The following SPAST variants were observed in gnomAD, a reference collection of about 807,000 sequenced individuals.
The protein encoded by SPAST is spastic paraplegia 4 (autosomal dominant; spastin).
SPAST carries 30 observed loss-of-function variants against 76.6 expected under a neutral mutation model. The observed-to-expected ratio is 0.39, with a 90% confidence interval of 0.29 to 0.53. SPAST has a LOEUF of 0.53. SPAST is among the 20% of genes least tolerant of loss of function. The probability of loss-of-function intolerance (pLI) is 0.68; values close to 1 mark genes in which losing one functional copy is unlikely to be tolerated. For missense variants in SPAST, 717 were observed against 770.5 expected (o/e 0.93, Z 0.82); for synonymous variants, 305 against 281.0 (o/e 1.09, Z -0.86).
At chr2:32,072,203 C>T (rs963502031) in intron 1 of SPAST, among the ~76,000 whole-genome samples, 1 of 123,144 alleles carries the variant, frequency 8.1e-6, no homozygotes, top group Non-Finnish European at 1.8e-5. Flanking sequence ...CCACCATGCC[C>T]AGCTATTTTT....
At chr2:32,067,591 TA>T (rs1254109181) in intron 1 of SPAST, among the ~76,000 whole-genome samples, 2 of 152,032 alleles carry the variant, frequency 1.3e-5, no homozygotes, top group Non-Finnish European at 2.9e-5. Flanking sequence ...CTATTATACT[TA>T]AATCCTCCTA....
rs1426409322 is a variant in SPAST at position 32,063,630 on chromosome 2, A to T, written c.-202A>T. On this transcript the variant is annotated 5_prime_UTR_variant, in exon 1 of 17. Coordinates refer to ENST00000315285, the MANE Select transcript of SPAST (RefSeq NM_014946.4). ...GGGAGGGGCCCGAGCCACCGACTGCAGGAGGAGAAGGGGTTGTGCTCCTGG... is the reference window on the plus strand; with the variant it reads ...GGGAGGGGCCCGAGCCACCGACTGCTGGAGGAGAAGGGGTTGTGCTCCTGG... 8.1e-6 allele frequency: 5 copies of T among 618,706 alleles called. No individual in the cohort carries two copies. The East Asian group carries it at 1.3e-4, about 16-fold the overall frequency. 38.3% of individuals were successfully genotyped at this position (618,706 alleles called of 1,614,324 possible).
intron 7 of SPAST, among the ~76,000 whole-genome samples, chr2:32,122,778 T>A (rs1048278162): frequency 1.6e-4 from 23 of 147,300 alleles, no homozygotes; most frequent in South Asian, 4.3e-4. Flanking sequence ...CATCTATATT[T>A]AAAAAAAAAA....
chr2:32,099,402 T>G (rs1211853428), intron 4 of SPAST, among the ~76,000 whole-genome samples: 1 of 152,232 alleles, frequency 6.6e-6, no homozygotes, highest in Non-Finnish European at 1.5e-5. Flanking sequence ...ATTAACTCTA[T>G]CCTTCATAAA....
intron 4 of SPAST, among the ~76,000 whole-genome samples, chr2:32,107,473 A>ACCTTAAGT (rs1170483601): frequency 6.6e-6 from 1 of 152,070 alleles, no homozygotes; most frequent in African/African-American, 2.4e-5. Flanking sequence ...AGCTAGTCTG[A>ACCTTAAGT]GACTCCTGAC....
chr2:32,101,254 G>A (rs1411592743), intron 4 of SPAST, among the ~76,000 whole-genome samples: 1 of 152,176 alleles, frequency 6.6e-6, no homozygotes, highest in East Asian at 1.9e-4. Context: ...CTGCATAAAT[G>A]TCTTCTTTTG....
At chr2:32,135,237 C>G (rs1187738339) in intron 9 of SPAST, among the ~76,000 whole-genome samples, 1 of 151,638 alleles carries the variant, frequency 6.6e-6, no homozygotes, top group Non-Finnish European at 1.5e-5. Context: ...TCACGCCATT[C>G]TCCTGCCTCA....
intron 7 of SPAST, among the ~76,000 whole-genome samples, chr2:32,122,710 C>G (rs1679059814): frequency 6.6e-6 from 1 of 151,418 alleles, no homozygotes; most frequent in African/African-American, 2.4e-5. Context: ...GAGGCCAAGG[C>G]AGGAAGATTG....
At chr2:32,110,365 G>A (rs1475533694) in intron 4 of SPAST, among the ~76,000 whole-genome samples, 16 of 149,192 alleles carry the variant, frequency 1.1e-4, no homozygotes, top group African/African-American at 3.2e-4. Flanking sequence ...TGATCCACCC[G>A]CCTCGGCCTC....
At chr2:32,112,569 A>T (rs1678657050) in intron 4 of SPAST, among the ~76,000 whole-genome samples, 2 of 152,088 alleles carry the variant, frequency 1.3e-5, no homozygotes, top group South Asian at 2.1e-4. Context: ...GCTTGTCTCA[A>T]ACTCCTGACC....
At position 32,151,872 on chromosome 2, in the gene SPAST, C is replaced by G. The variant is rs142429880; in HGVS notation, c.1729-2502C>G. Among the ~76,000 whole-genome samples, 43 of 151,256 alleles carry G rather than the reference C, an allele frequency of 2.8e-4. No individual in the cohort carries two copies. In the East Asian group the frequency reaches 8.2e-3, roughly 29 times the overall value. On this transcript the variant is annotated intron_variant, in intron 16 of 16. Transcript: ENST00000315285. ...GTTGCAGTGAGCTGAGATCGTACCA[C>G]TGCACTCCAGTCTGTGCGACAGGAG...
At chr2:32,079,950 T>A (rs1040488365) in intron 1 of SPAST, among the ~76,000 whole-genome samples, 2 of 152,300 alleles carry the variant, frequency 1.3e-5, no homozygotes, top group African/African-American at 4.8e-5. Flanking sequence ...GATATATACC[T>A]AGGAGTAGAA....
intron 15 of SPAST, among the ~76,000 whole-genome samples, chr2:32,146,949 C>A (rs1679907638): frequency 6.8e-6 from 1 of 147,632 alleles, no homozygotes; most frequent in Admixed American, 6.8e-5. Context: ...AAGTTGCATT[C>A]TTTTAAGTTC....
At chr2:32,093,310 CA>C (rs34291087) in intron 3 of SPAST, among the ~76,000 whole-genome samples, 7,056 of 62,162 alleles carry the variant, frequency 0.11, 163 homozygotes, top group Non-Finnish European at 0.13. Context: ...GACTCCGTCT[CA>C]AAAAAAAAAA....
chr2:32,078,301 AG>A (rs1677057221), intron 1 of SPAST, among the ~76,000 whole-genome samples: 2 of 152,058 alleles, frequency 1.3e-5, no homozygotes, highest in Non-Finnish European at 2.9e-5. Context: ...CCTCCCAAGT[AG>A]CTTGGGATTA....
In SPAST at chr2:32,063,719, G is replaced by C; in HGVS notation, c.-113G>C. 3 of 1,418,856 alleles carry C rather than the reference G, an allele frequency of 2.1e-6. No individual in the cohort carries two copies. Among genetic ancestry groups the C allele is most frequent in the South Asian group, 2.7e-5 (2 of 74,446 alleles). 87.9% of individuals were successfully genotyped at this position (1,418,856 alleles called of 1,614,324 possible). A position where few individuals can be genotyped will look rare whatever the true frequency, so the allele number is the denominator to read the frequency against. On this transcript the variant is annotated 5_prime_UTR_variant, in exon 1 of 17. Coordinates refer to ENST00000315285, the MANE Select transcript of SPAST (RefSeq NM_014946.4). Reference sequence around the variant, plus strand: ...GCGGCAGTGCGGAGCTCCTGAGACCGGCGGGCACACGGGGGTCTGTGGCCC... The same window carrying C: ...GCGGCAGTGCGGAGCTCCTGAGACCCGCGGGCACACGGGGGTCTGTGGCCC...
chr2:32,066,519 T>A (rs1467114568), intron 1 of SPAST, among the ~76,000 whole-genome samples: 2 of 151,688 alleles, frequency 1.3e-5, no homozygotes, highest in Non-Finnish European at 2.9e-5. Context: ...AATACAAAAA[T>A]TAGCTGGGCA....
intron 1 of SPAST, among the ~76,000 whole-genome samples, chr2:32,066,972 C>CA (rs60829143): frequency 0.64 from 49,064 of 77,094 alleles, 13,633 homozygotes; most frequent in Non-Finnish European, 0.66. Flanking sequence ...AAAACTGTCT[C>CA]AAAAAAAAAA....
At chr2:32,083,776 A>AT (rs1178658126) in intron 1 of SPAST, among the ~76,000 whole-genome samples, 620 of 46,012 alleles carry the variant, frequency 0.013, 62 homozygotes, top group African/African-American at 0.036. Flanking sequence ...ATATATATAT[A>AT]TTTTTTTTTT....
Sources: allele counts gnomAD v4.1 joint callset (sites outside exome capture counted in the v4.1 genomes callset), GRCh38; gene constraint gnomAD v4.1.1; transcripts MANE v1.5; gene names NCBI Gene and HGNC (gene_info 2026-07-23, HGNC 2026-07-21).